The following KANSL1 variants were observed in gnomAD, a reference collection of about 807,000 sequenced individuals.
KANSL1 encodes KAT8 regulatory NSL complex subunit 1, also known as MLL1/MLL complex subunit KANSL1.
A neutral mutation model predicts 103.6 loss-of-function variants in KANSL1; 22 were observed. That is an observed-to-expected ratio of 0.21 (90% CI 0.15 to 0.30). KANSL1 has a LOEUF of 0.30. KANSL1 is among the 10% of genes least tolerant of loss of function. The pLI, the probability that KANSL1 is intolerant of heterozygous loss-of-function variation, is 1.00. For missense variants in KANSL1, 1,337 were observed against 1,399.8 expected, an observed-to-expected ratio of 0.96 and a Z score of 0.72; for synonymous variants, 600 against 527.6, an observed-to-expected ratio of 1.14 and a Z score of -1.88.
intron 4 of KANSL1, among the ~76,000 whole-genome samples, chr17:46,076,515 A>G (rs1375000854): frequency 2.0e-5 from 3 of 148,096 alleles, no homozygotes; most frequent in Non-Finnish European, 4.5e-5. Context: ...AAAAAAAAAA[A>G]TTGTTTTGGC....
At chr17:46,126,705 A>G (rs1038908504) in intron 2 of KANSL1, among the ~76,000 whole-genome samples, 1 of 152,226 alleles carries the variant, frequency 6.6e-6, no homozygotes, top group African/African-American at 2.4e-5. Flanking sequence ...ATACAGTGTA[A>G]TATCTGGTTA....
intron 7 of KANSL1, among the ~76,000 whole-genome samples, chr17:46,047,763 AG>A: frequency 6.6e-6 from 1 of 150,634 alleles, no homozygotes; most frequent in Non-Finnish European, 1.5e-5. Context: ...ACTCCAGCTT[AG>A]GGCACCGAGC....
At position 46,050,625 on chromosome 17, in the gene KANSL1, G is replaced by A. The variant is rs758761270; in HGVS notation, c.1928C>T (p.Thr643Ile). The stretch of plus-strand genomic sequence containing the variant: ...TTCATAGTGAATTTCGGGAGGCATG[G>A]TGTTGATGCTGCCTGAACCACACAG... Reference protein sequence around the residue: ...CALCGSGSINTMPPEIHYEAP... With the variant: ...CALCGSGSINIMPPEIHYEAP... The change falls in exon 7 of 15, where the codon ACC becomes ATC. Residue 643 changes from threonine to isoleucine, a missense_variant. Transcript: ENST00000432791. The A allele has an allele frequency of 1.9e-6, 3 of 1,614,190 alleles. No individual in the cohort carries two copies. The highest frequency in any genetic ancestry group is 1.7e-6 in the Non-Finnish European group (2 of 1,180,026).
At chr17:46,213,290 T>C (rs2048222967) in intron 1 of KANSL1, among the ~76,000 whole-genome samples, 1 of 112,386 alleles carries the variant, frequency 8.9e-6, no homozygotes, top group African/African-American at 2.7e-5. Flanking sequence ...ATTTGTTTTT[T>C]GTTGTTGTTG....
intron 10 of KANSL1, among the ~76,000 whole-genome samples, chr17:46,036,999 G>A (rs1272585569): frequency 1.3e-5 from 2 of 152,048 alleles, no homozygotes; most frequent in South Asian, 2.1e-4. Context: ...ATAGGTGAGC[G>A]CCACTGTGCC....
At chr17:46,145,800 T>C (rs1248000594) in intron 2 of KANSL1, among the ~76,000 whole-genome samples, 2 of 152,146 alleles carry the variant, frequency 1.3e-5, no homozygotes, top group Non-Finnish European at 2.9e-5. Flanking sequence ...GCAATCCTGG[T>C]TCACTCCAAC....
chr17:46,192,991 G>C lies in KANSL1; in HGVS notation c.-258C>G. 6.6e-6 allele frequency: 1 copy of C among 152,072 alleles called. No homozygotes were observed. The allele number at this position is 152,072 out of a possible 1,614,324, so 9.4% of individuals were successfully genotyped here. A position where few individuals can be genotyped will look rare whatever the true frequency, so the allele number is the denominator to read the frequency against. Reference sequence around the variant, plus strand: ...TCCCCCCGACGCCCGGAGCCGCCCTGACTTTCCGGGCGGGGGGGCGAGGCA... The same window carrying C: ...TCCCCCCGACGCCCGGAGCCGCCCTCACTTTCCGGGCGGGGGGGCGAGGCA... On this transcript the variant is annotated 5_prime_UTR_variant, in exon 1 of 15. Transcript: ENST00000432791.
chr17:46,056,822 T>C (rs1015382936), intron 6 of KANSL1, among the ~76,000 whole-genome samples: 2 of 152,258 alleles, frequency 1.3e-5, no homozygotes, highest in South Asian at 4.1e-4. Flanking sequence ...GTATACCGCA[T>C]GATTTCTCAA....
At chr17:46,190,094 T>C (rs2047240022) in intron 1 of KANSL1, among the ~76,000 whole-genome samples, 1 of 152,200 alleles carries the variant, frequency 6.6e-6, no homozygotes, top group Non-Finnish European at 1.5e-5. Flanking sequence ...TTATTCACTT[T>C]AAAATGCAAT....
intron 3 of KANSL1, among the ~76,000 whole-genome samples, chr17:46,087,895 T>TGTCA (rs1311770539): frequency 6.6e-6 from 1 of 152,228 alleles, no homozygotes; most frequent in South Asian, 2.1e-4. Context: ...ACTCCACACC[T>TGTCA]GTCATGCTAC....
chr17:46,150,499 T>C (rs375628390), intron 2 of KANSL1, among the ~76,000 whole-genome samples: 8 of 152,270 alleles, frequency 5.3e-5, no homozygotes, highest in Non-Finnish European at 1.2e-4. Flanking sequence ...CATCTCTGTA[T>C]TTCCCACAGC....
chr17:46,130,669 C>T (rs749596488), intron 2 of KANSL1, among the ~76,000 whole-genome samples: 38 of 152,208 alleles, frequency 2.5e-4, no homozygotes, highest in Admixed American at 3.9e-4. Flanking sequence ...CAGTTCAAGA[C>T]GGCTTCTCCC....
In KANSL1 at chr17:46,099,337, AC is replaced by A. The variant is rs1268385152; in HGVS notation, c.1290-4637del. Among the ~76,000 whole-genome samples the A allele has an allele frequency of 8.1e-5, 9 of 111,666 alleles. 1 individual carries two copies. The highest frequency in any genetic ancestry group is 1.9e-4 in the African/African-American group (7 of 37,298). The allele number at this position is 111,666 out of a possible 152,430, so 73.3% of individuals were successfully genotyped here. A position where few individuals can be genotyped will look rare whatever the true frequency, so the allele number is the denominator to read the frequency against. ...AGACTCCGTCTCAAAAAAAAAAAAAACAAAACAAAAAAAAAACAAATACAAG... is the reference window on the plus strand; with the variant it reads ...AGACTCCGTCTCAAAAAAAAAAAAAAAAAACAAAAAAAAAACAAATACAAG... On this transcript the variant is annotated intron_variant, in intron 2 of 14. Coordinates refer to ENST00000432791, the MANE Select transcript of KANSL1 (RefSeq NM_015443.4).
chr17:46,030,609 A>C lies in KANSL1; in HGVS notation c.*867T>G, dbSNP rs2076982153. ...CAGAGGGAAAAAAAAAAAAAATCACACAGGGAGATGGCTGCTCACTTCCCA... is the reference window on the plus strand; with the variant it reads ...CAGAGGGAAAAAAAAAAAAAATCACCCAGGGAGATGGCTGCTCACTTCCCA... On this transcript the variant is annotated 3_prime_UTR_variant, in exon 15 of 15. Coordinates refer to ENST00000432791, the MANE Select transcript of KANSL1 (RefSeq NM_015443.4). The C allele has an allele frequency of 6.6e-6, 1 of 151,760 alleles. No homozygotes were observed. The highest frequency in any genetic ancestry group is 6.6e-5 in the Admixed American group (1 of 15,228). The allele number at this position is 151,760 out of a possible 1,614,324, so 9.4% of individuals were successfully genotyped here.
chr17:46,190,860 T>A (rs2047280913), intron 1 of KANSL1, among the ~76,000 whole-genome samples: 1 of 152,252 alleles, frequency 6.6e-6, no homozygotes, highest in African/African-American at 2.4e-5. Context: ...ATACATTTTT[T>A]AAATTCCCAA....
At chr17:46,225,325 C>T (rs897574659), upstream of KANSL1, 3 of 152,664 alleles carry the variant, frequency 2.0e-5, no homozygotes, top group Admixed American at 2.0e-4. Flanking sequence ...GGCAGCTCCC[C>T]CAGCCCCGGA....
chr17:46,040,508 T>C (rs1193975695), intron 7 of KANSL1: 1 of 152,278 alleles, frequency 6.6e-6, no homozygotes, highest in Non-Finnish European at 1.5e-5. Context: ...TTCCCAAGAA[T>C]ATATCCTTGA....
At position 46,172,042 on chromosome 17, in the gene KANSL1, G is replaced by A. The variant is rs763633500; in HGVS notation, c.102C>T (p.Ala34=). Residue 34 remains alanine, a synonymous_variant, in exon 2 of 15, where the codon GCC becomes GCT. Coordinates refer to ENST00000432791, the MANE Select transcript of KANSL1 (RefSeq NM_015443.4). ...GGATGTTGGCGTTGCCGTTATTTTC[G>A]GCACTGCCAGGGGACAAGGTAGAGG... ...PPSSTLSPGS[A]ENNGNANILI... is the part of the protein sequence containing the mutation. 1.1e-5 allele frequency: 18 copies of A among 1,614,092 alleles called. 1 individual carries two copies. Among genetic ancestry groups the A allele is most frequent in the East Asian group, 4.5e-5 (2 of 44,892 alleles).
chr17:46,152,414 G>C (rs2045159062), intron 2 of KANSL1, among the ~76,000 whole-genome samples: 1 of 152,196 alleles, frequency 6.6e-6, no homozygotes, highest in African/African-American at 2.4e-5. Flanking sequence ...AATACTTTTT[G>C]AAGACGAATC....
Sources: gnomAD v4.1 joint callset for allele counts (sites outside exome capture counted in the v4.1 genomes callset) on GRCh38, gnomAD v4.1.1 for gene constraint, MANE v1.5 for transcripts, NCBI Gene and HGNC (gene_info 2026-07-23, HGNC 2026-07-21) for gene names.